FBN1: variants seen among roughly 807,000 people sequenced by gnomAD.
FBN1 encodes the protein fibrillin 1, also known as fibrillin-1.
Under a neutral mutation model 365.1 loss-of-function variants are expected in FBN1, and 29 were observed. The ratio of observed to expected loss-of-function variants is 0.08; its 90% CI spans 0.06 to 0.11. The LOEUF (loss-of-function observed/expected upper bound fraction) is 0.11, where lower values mean the gene tolerates loss of function less well. FBN1 is among the 10% of genes least tolerant of loss of function. FBN1 has a pLI of 1.00. For synonymous variants in FBN1, 1,210 were observed against 1,270.5 expected, an observed-to-expected ratio of 0.95 and a Z score of 1.01; for missense variants, 2,476 against 3,703.2, an observed-to-expected ratio of 0.67 and a Z score of 8.60.
chr15:48,536,130 A>G (rs948946449), intron 7 of FBN1, among the ~76,000 whole-genome samples: 3 of 152,206 alleles, frequency 2.0e-5, no homozygotes, highest in Admixed American at 1.3e-4. Context: ...CAACAACAAC[A>G]ACAACAACAA....
In FBN1 at chr15:48,412,460, C is replaced by A. The variant is rs1012818042; in HGVS notation, c.8226+109G>T. 8.8e-6 allele frequency: 10 copies of A among 1,134,730 alleles called. No individual in the cohort carries two copies. The African/African-American group carries it at 1.4e-4, about 16-fold the overall frequency. The allele number at this position is 1,134,730 out of a possible 1,614,324, so 70.3% of individuals were successfully genotyped here. A position where few individuals can be genotyped will look rare whatever the true frequency, so the allele number is the denominator to read the frequency against. On this transcript the variant is annotated intron_variant, in intron 65 of 65. Coordinates refer to ENST00000316623, the MANE Select transcript of FBN1 (RefSeq NM_000138.5). ...AGAGCTCAGGGAATGTCTGGAGTTTCTCCCTGGGGAGCTTTTTCACACTTT... is the reference window on the plus strand; with the variant it reads ...AGAGCTCAGGGAATGTCTGGAGTTTATCCCTGGGGAGCTTTTTCACACTTT...
intron 44 of FBN1, among the ~76,000 whole-genome samples, chr15:48,453,290 C>CAAAAAAAAAAAAAAAAAAAAAAAAAAA (rs748356141): frequency 1.2e-4 from 4 of 32,898 alleles, no homozygotes; most frequent in Admixed American, 3.0e-4. Flanking sequence ...AAAAATAAAA[C>CAAAAAAAAAAAAAAAAAAAAAAAAAAA]AAACAAAAAA....
At chr15:48,439,011 C>A (rs2043093246) in intron 50 of FBN1, among the ~76,000 whole-genome samples, 1 of 152,162 alleles carries the variant, frequency 6.6e-6, no homozygotes, top group Non-Finnish European at 1.5e-5. Flanking sequence ...TCATTCACTT[C>A]CATCACTGTT....
intron 44 of FBN1, among the ~76,000 whole-genome samples, chr15:48,455,729 C>A (rs535056342): frequency 6.6e-6 from 1 of 152,256 alleles, no homozygotes; most frequent in Admixed American, 6.5e-5. Context: ...GACATGTGCC[C>A]ACTTGGACAC....
At chr15:48,474,400 T>A in intron 33 of FBN1, 23 bp from the exon 34 acceptor site, 4 of 1,614,012 alleles carry the variant, frequency 2.5e-6, no homozygotes, top group Non-Finnish European at 3.4e-6. Context: ...GGTTATATCA[T>A]TATTAACAGA....
At position 48,513,590 on chromosome 15, in the gene FBN1, C is replaced by T. The variant is rs775489067; in HGVS notation, c.1547G>A (p.Arg516Gln). 2.3e-5 allele frequency: 37 copies of T among 1,613,856 alleles called. No individual in the cohort carries two copies. The highest frequency in any genetic ancestry group is 1.2e-4 in the Admixed American group (7 of 59,986). The change falls in exon 13 of 66, where the codon CGA (arginine) becomes CAA (glutamine). Residue 516 changes from arginine to glutamine, a missense_variant. Transcript: ENST00000316623. The stretch of plus-strand genomic sequence containing the variant: ...CGTGAGTGTGCTCTGATATCCAGCT[C>T]GGCACTGACAGGTGTACGAACCCTG... ...NNQGSYTCQC[R>Q]AGYQSTLTRT...
chr15:48,484,665 C>T (rs2043491666), intron 30 of FBN1, among the ~76,000 whole-genome samples: 1 of 152,172 alleles, frequency 6.6e-6, no homozygotes, highest in African/African-American at 2.4e-5. Context: ...GCCACCGTGC[C>T]TGGCCTTATT....
chr15:48,495,165 G>C lies in FBN1; in HGVS notation c.2635C>G (p.Leu879Val). ...ATLKSQCCSSLGAAWGSPCTL... is the reference protein window; with the variant it reads ...ATLKSQCCSSVGAAWGSPCTL... ...CACGGGCTTCCCCACGCAGCACCGAGGGAGGAGCAGCACTGGGACTTTAAG... is the reference window on the plus strand; with the variant it reads ...CACGGGCTTCCCCACGCAGCACCGACGGAGGAGCAGCACTGGGACTTTAAG... The change falls in exon 22 of 66, where the codon CTC (leucine) becomes GTC (valine). Residue 879 changes from leucine to valine, a missense_variant. Leu to Val is a conservative substitution (Grantham distance 32, BLOSUM62 1). This residue lies in a region of FBN1 where 1,780 missense variants were observed against 2,840.8 expected (regional missense o/e 0.63). Transcript: ENST00000316623. The C allele has an allele frequency of 1.2e-6, 2 of 1,614,172 alleles. No homozygotes were observed.
intron 24 of FBN1, 55 bp downstream of exon 24, chr15:48,492,406 T>C: frequency 6.4e-7 from 1 of 1,565,174 alleles, no homozygotes; most frequent in Non-Finnish European, 8.8e-7. Context: ...GTTAACTTCA[T>C]TTTTAATAAT....
intron 5 of FBN1, among the ~76,000 whole-genome samples, chr15:48,598,883 A>T (rs1281538965): frequency 2.0e-5 from 3 of 152,176 alleles, no homozygotes; most frequent in African/African-American, 4.8e-5. Flanking sequence ...TAATTGAATC[A>T]TGGGGGCAGG....
chr15:48,494,124 G>T, intron 23 of FBN1, 80 bp downstream of exon 23: 1 of 1,121,236 alleles, frequency 8.9e-7, no homozygotes, highest in South Asian at 1.2e-5. Flanking sequence ...GAAGTTATAT[G>T]ACAGCTTTAT....
chr15:48,643,013 G>A (rs1198388289), intron 2 of FBN1: 1 of 152,220 alleles, frequency 6.6e-6, no homozygotes, highest in Non-Finnish European at 1.5e-5. Context: ...CCAGAGAAAT[G>A]AGACAAATGT....
chr15:48,483,733 A>G, intron 31 of FBN1, 85 bp downstream of exon 31: 1 of 1,511,890 alleles, frequency 6.6e-7, no homozygotes, highest in South Asian at 1.1e-5. Flanking sequence ...GAATCTTTCT[A>G]TCACTGACCC....
chr15:48,518,206 G>A (rs759339911), intron 10 of FBN1, among the ~76,000 whole-genome samples: 3 of 152,178 alleles, frequency 2.0e-5, no homozygotes, highest in Non-Finnish European at 2.9e-5. Context: ...AACCAACAGT[G>A]ATTCTTCCTA....
chr15:48,588,639 C>T (rs2140699825), intron 6 of FBN1, among the ~76,000 whole-genome samples: 1 of 152,316 alleles, frequency 6.6e-6, no homozygotes, highest in African/African-American at 2.4e-5. Flanking sequence ...GGAACAGATG[C>T]CACATTCTAA....
intron 6 of FBN1, among the ~76,000 whole-genome samples, chr15:48,572,391 C>T (rs2044312890): frequency 2.0e-5 from 3 of 151,884 alleles, no homozygotes; most frequent in African/African-American, 7.3e-5. Flanking sequence ...AAAGAAAAGG[C>T]CAACCAAGTT....
Position 48,420,805 on chromosome 15 carries a change from G to A in FBN1, c.7701C>T (p.Asp2567=), listed in dbSNP as rs368054842. The A allele has an allele frequency of 6.8e-6, 11 of 1,613,648 alleles. No individual in the cohort carries two copies. Among genetic ancestry groups the A allele is most frequent in the African/African-American group, 4.0e-5 (3 of 74,896 alleles). ...SLDQTGSSCE[D]VDECEGNHRC... ...GGTGGTTACCCTCACACTCGTCCACGTCTGAAAAAGAAGCAGAGCCACCAT... is the reference window on the plus strand; with the variant it reads ...GGTGGTTACCCTCACACTCGTCCACATCTGAAAAAGAAGCAGAGCCACCAT... Residue 2567 remains aspartate (D), a splice_region_variant and synonymous_variant, in exon 63 of 66, where the codon GAC becomes GAT. Coordinates refer to ENST00000316623, the MANE Select transcript of FBN1 (RefSeq NM_000138.5).
At chr15:48,606,406 A>G (rs2044610261) in intron 4 of FBN1, among the ~76,000 whole-genome samples, 1 of 152,216 alleles carries the variant, frequency 6.6e-6, no homozygotes, top group African/African-American at 2.4e-5. Context: ...CTCAGCAATA[A>G]AAGATAACAA....
At chr15:48,528,676 T>C (rs917772130) in intron 8 of FBN1, among the ~76,000 whole-genome samples, 2 of 152,174 alleles carry the variant, frequency 1.3e-5, no homozygotes, top group Admixed American at 1.3e-4. Flanking sequence ...AGGAAATATG[T>C]CATAGTGCAC....
Sources: gnomAD v4.1 joint callset for allele counts (sites outside exome capture counted in the v4.1 genomes callset) on GRCh38, gnomAD v4.1.1 for gene constraint, gnomAD v4.1.1 regional missense constraint, MANE v1.5 for transcripts, NCBI Gene and HGNC (gene_info 2026-07-23, HGNC 2026-07-21) for gene names.